Variants in ROBO2 observed in about 807,000 individuals in gnomAD.
ROBO2 encodes the protein roundabout guidance receptor 2.
Under a neutral mutation model 160.8 loss-of-function variants are expected in ROBO2, and 53 were observed. The ratio of observed to expected loss-of-function variants is 0.33; its 90% CI spans 0.26 to 0.41. The LOEUF (loss-of-function observed/expected upper bound fraction) is 0.41, where lower values mean the gene tolerates loss of function less well. ROBO2 is among the 10% of genes least tolerant of loss of function. ROBO2 has a pLI of 1.00. For missense variants in ROBO2, 1,577 were observed against 1,722.4 expected (o/e 0.92, Z 1.49); for synonymous variants, 664 against 611.7 (o/e 1.09, Z -1.26).
intron 2 of ROBO2, among the ~76,000 whole-genome samples, chr3:76,558,772 G>C (rs946933198): frequency 1.6e-4 from 25 of 152,182 alleles, no homozygotes; most frequent in African/African-American, 6.0e-4. Context: ...ACAATCGTTA[G>C]TATTACATAG....
chr3:76,106,996 A>G (rs2069965977), intron 2 of ROBO2, among the ~76,000 whole-genome samples: 1 of 152,048 alleles, frequency 6.6e-6, no homozygotes, highest in South Asian at 2.1e-4. Context: ...CTCTGTACAT[A>G]TTCATCATTG....
intron 2 of ROBO2, among the ~76,000 whole-genome samples, chr3:77,295,759 A>AC (rs1302065077): frequency 1.3e-5 from 2 of 150,690 alleles, no homozygotes; most frequent in Non-Finnish European, 3.0e-5. Context: ...AGGCTAGATC[A>AC]CCCCAGACAT....
chr3:77,022,319 G>A (rs577316204), intron 2 of ROBO2, among the ~76,000 whole-genome samples: 26 of 152,240 alleles, frequency 1.7e-4, no homozygotes, highest in African/African-American at 5.8e-4. Context: ...GCAGTGAGCC[G>A]AGGTCATGCC....
chr3:76,792,424 TG>T (rs2063421557), intron 2 of ROBO2, among the ~76,000 whole-genome samples: 1 of 151,822 alleles, frequency 6.6e-6, no homozygotes, highest in East Asian at 1.9e-4. Flanking sequence ...AACTGTAATT[TG>T]TTTTTTTGGG....
intron 2 of ROBO2, among the ~76,000 whole-genome samples, chr3:76,272,838 TA>T (rs1559705735): frequency 2.5e-4 from 7 of 28,046 alleles, no homozygotes; most frequent in African/African-American, 7.0e-4. Context: ...AAAATATATA[TA>T]TTATATATTA....
At chr3:76,494,637 T>C (rs2107569032) in intron 2 of ROBO2, among the ~76,000 whole-genome samples, 1 of 152,244 alleles carries the variant, frequency 6.6e-6, no homozygotes, top group South Asian at 2.1e-4. Context: ...AGGGGAGCGT[T>C]TGAGTGCCTT....
chr3:76,640,533 C>CAAA (rs2090605109), intron 2 of ROBO2, among the ~76,000 whole-genome samples: 1 of 77,148 alleles, frequency 1.3e-5, no homozygotes, highest in Non-Finnish European at 2.5e-5. Context: ...AGCTCCGTCT[C>CAAA]AAAAATAATA....
intron 1 of ROBO2, among the ~76,000 whole-genome samples, chr3:77,056,222 T>C (rs1020305138): frequency 6.6e-6 from 1 of 152,216 alleles, no homozygotes; most frequent in Non-Finnish European, 1.5e-5. Flanking sequence ...TTTTCTCTAA[T>C]GTAGCTAAGA....
At chr3:76,691,538 G>T (rs1187239903) in intron 2 of ROBO2, among the ~76,000 whole-genome samples, 1 of 152,124 alleles carries the variant, frequency 6.6e-6, no homozygotes, top group East Asian at 1.9e-4. Context: ...ATGATAATTG[G>T]GAATGGAAGT....
intron 2 of ROBO2, among the ~76,000 whole-genome samples, chr3:77,368,161 C>T (rs2071199257): frequency 6.6e-6 from 1 of 152,086 alleles, no homozygotes; most frequent in Admixed American, 6.6e-5. Flanking sequence ...ATAATTCTCT[C>T]CAGCACCTTG....
At chr3:77,290,911 CCAG>C (rs1560445386) in intron 2 of ROBO2, among the ~76,000 whole-genome samples, 15,803 of 101,918 alleles carry the variant, frequency 0.16, 514 homozygotes, top group Middle Eastern at 0.22. Context: ...CTAGATCACC[CCAG>C]ACATAAAGTA....
At chr3:77,627,403 C>T (rs1445382449) in intron 23 of ROBO2, among the ~76,000 whole-genome samples, 4 of 152,064 alleles carry the variant, frequency 2.6e-5, no homozygotes, top group Non-Finnish European at 5.9e-5. Context: ...CCTCAGCCTC[C>T]TGAGTAGCTG....
At chr3:77,066,765 A>G (rs1335747934) in intron 1 of ROBO2, among the ~76,000 whole-genome samples, 1 of 152,080 alleles carries the variant, frequency 6.6e-6, no homozygotes, top group Non-Finnish European at 1.5e-5. Context: ...GTAGGGAATG[A>G]TTGTTTAGTG....
At chr3:77,642,805 T>C (rs1192273232) in intron 24 of ROBO2, 1 of 456,556 alleles carries the variant, frequency 2.2e-6, no homozygotes, top group East Asian at 7.0e-5. Flanking sequence ...TGCATCCAGC[T>C]TAGAAGACAC....
intron 2 of ROBO2, among the ~76,000 whole-genome samples, chr3:75,947,443 T>C (rs1948353114): frequency 6.6e-6 from 1 of 152,072 alleles, no homozygotes; most frequent in African/African-American, 2.4e-5. Flanking sequence ...CATTTATAAG[T>C]CTAAAATGTA....
chr3:76,863,022 C>T (rs2070965034), intron 2 of ROBO2, among the ~76,000 whole-genome samples: 1 of 152,070 alleles, frequency 6.6e-6, no homozygotes, highest in African/African-American at 2.4e-5. Flanking sequence ...TAATCATTAA[C>T]TTATCAGCTA....
chr3:76,421,176 A>C (rs528248211), intron 2 of ROBO2, among the ~76,000 whole-genome samples: 2 of 152,296 alleles, frequency 1.3e-5, no homozygotes, highest in Admixed American at 1.3e-4. Flanking sequence ...TTAGCTCTAC[A>C]CATATTTTGG....
In ROBO2 at chr3:76,058,146, C is replaced by T. The variant is rs2067920448; in HGVS notation, c.109+120544C>T. ...TACTTTCAGTTCTGGGACACATGTG[C>T]AGAATGTGCAGGTTTGTTACGTAGG... On this transcript the variant is annotated intron_variant, in intron 2 of 26. Transcript: ENST00000487694. 2.0e-5 allele frequency among the ~76,000 whole-genome samples: 3 copies of T among 151,810 alleles called. No individual in the cohort carries two copies. The South Asian group carries it at 6.2e-4, about 31-fold the overall frequency.
At chr3:77,051,017 C>CAAA (rs5850308) in intron 1 of ROBO2, among the ~76,000 whole-genome samples, 99 of 133,264 alleles carry the variant, frequency 7.4e-4, no homozygotes, top group African/African-American at 2.2e-3. Flanking sequence ...GACCCTGTCT[C>CAAA]AAAAAAAAAA....
Sources: gnomAD v4.1 joint callset for allele counts (sites outside exome capture counted in the v4.1 genomes callset) on GRCh38, gnomAD v4.1.1 for gene constraint, MANE v1.5 for transcripts, NCBI Gene and HGNC (gene_info 2026-07-23, HGNC 2026-07-21) for gene names.